The following PTPRD variants were observed in gnomAD, a reference collection of about 807,000 sequenced individuals.
The protein encoded by PTPRD is receptor-type tyrosine-protein phosphatase delta.
In PTPRD, 34 loss-of-function variants were observed where a neutral mutation model predicts 214.5. That is an observed-to-expected ratio of 0.16 (90% confidence interval 0.12 to 0.21). PTPRD has a LOEUF of 0.21. Ranked by LOEUF, PTPRD falls within the 10% of genes least tolerant of loss-of-function variation. The pLI is 1.00. For missense variants in PTPRD, 2,545 were observed against 2,398.7 expected (o/e 1.06, Z -1.27); for synonymous variants, 1,128 against 845.7 (o/e 1.33, Z -5.79).
At chr9:9,028,958 G>C (rs1027202138) in intron 10 of PTPRD, among the ~76,000 whole-genome samples, 2 of 151,870 alleles carry the variant, frequency 1.3e-5, no homozygotes, top group Non-Finnish European at 2.9e-5. Flanking sequence ...ATTTTGTAGA[G>C]CTGCGTTGTC....
chr9:9,873,956 T>C (rs2066158680), intron 5 of PTPRD, among the ~76,000 whole-genome samples: 1 of 152,108 alleles, frequency 6.6e-6, no homozygotes, highest in Admixed American at 6.6e-5. Context: ...TATATTATTA[T>C]ATATAAAAGA....
intron 10 of PTPRD, among the ~76,000 whole-genome samples, chr9:9,040,593 A>G (rs1026276677): frequency 6.6e-6 from 1 of 152,060 alleles, no homozygotes; most frequent in Admixed American, 6.6e-5. Context: ...TTTTTTTCAT[A>G]ACTGGTTTTG....
intron 8 of PTPRD, among the ~76,000 whole-genome samples, chr9:9,495,739 G>T (rs948403723): frequency 6.6e-5 from 10 of 152,218 alleles, no homozygotes; most frequent in Middle Eastern, 3.4e-3. Flanking sequence ...ATTCTTCTTG[G>T]ATGCTGGACA....
intron 8 of PTPRD, among the ~76,000 whole-genome samples, chr9:9,420,988 G>T (rs1295037245): frequency 1.3e-5 from 2 of 151,734 alleles, no homozygotes; most frequent in African/African-American, 2.4e-5. Flanking sequence ...GCTGCCATTT[G>T]GTTGTGCATG....
At chr9:9,891,611 CAATT>C (rs1265980887) in intron 5 of PTPRD, among the ~76,000 whole-genome samples, 3 of 152,142 alleles carry the variant, frequency 2.0e-5, no homozygotes, top group African/African-American at 7.2e-5. Context: ...TCCACTTCAT[CAATT>C]AGAGTTTGAT....
intron 10 of PTPRD, among the ~76,000 whole-genome samples, chr9:9,140,764 G>C (rs1267914271): frequency 6.6e-6 from 1 of 152,126 alleles, no homozygotes; most frequent in Non-Finnish European, 1.5e-5. Context: ...GTTTTTAGTA[G>C]AGACGGGGTT....
At chr9:9,186,593 A>C (rs2099931653) in intron 9 of PTPRD, among the ~76,000 whole-genome samples, 1 of 151,318 alleles carries the variant, frequency 6.6e-6, no homozygotes, top group Non-Finnish European at 1.5e-5. Flanking sequence ...CCTGGACAAC[A>C]AAACAAGACT....
chr9:10,347,127 A>G (rs2097098217), intron 2 of PTPRD, among the ~76,000 whole-genome samples: 1 of 152,004 alleles, frequency 6.6e-6, no homozygotes, highest in Admixed American at 6.6e-5. Context: ...TCTCCACCAC[A>G]CACCCAGTTG....
At chr9:9,099,595 C>A (rs1046380206) in intron 10 of PTPRD, among the ~76,000 whole-genome samples, 1 of 152,028 alleles carries the variant, frequency 6.6e-6, no homozygotes, top group Non-Finnish European at 1.5e-5. Flanking sequence ...GAGTTACTAC[C>A]GGGCAGGTAG....
At chr9:9,947,997 T>A (rs2093010065) in intron 4 of PTPRD, among the ~76,000 whole-genome samples, 1 of 151,900 alleles carries the variant, frequency 6.6e-6, no homozygotes, top group Non-Finnish European at 1.5e-5. Flanking sequence ...GTAGCAAGAT[T>A]TTTTTCTTCT....
chr9:10,070,683 G>C (rs1366775463), intron 3 of PTPRD, among the ~76,000 whole-genome samples: 1 of 151,696 alleles, frequency 6.6e-6, no homozygotes, highest in African/African-American at 2.4e-5. Context: ...TTTTGCTTAG[G>C]ATTTTTCAAA....
intron 11 of PTPRD, among the ~76,000 whole-genome samples, chr9:8,997,624 C>G (rs1189419904): frequency 2.0e-5 from 3 of 152,116 alleles, no homozygotes; most frequent in East Asian, 3.9e-4. Flanking sequence ...TGAAATTATG[C>G]CCATTAATAA....
At chr9:8,599,198 C>T (rs2154274739) in intron 14 of PTPRD, among the ~76,000 whole-genome samples, 1 of 152,184 alleles carries the variant, frequency 6.6e-6, no homozygotes, top group East Asian at 1.9e-4. Flanking sequence ...TCTCATTTGC[C>T]TTCTACCATG....
At chr9:9,077,253 A>G (rs1290875094) in intron 10 of PTPRD, among the ~76,000 whole-genome samples, 1 of 150,654 alleles carries the variant, frequency 6.6e-6, no homozygotes, top group Non-Finnish European at 1.5e-5. Context: ...ATTTTCTTCC[A>G]TTCTGTGGGT....
chr9:8,726,054 C>G (rs1016990559), intron 12 of PTPRD, among the ~76,000 whole-genome samples: 1 of 151,944 alleles, frequency 6.6e-6, no homozygotes, highest in East Asian at 1.9e-4. Context: ...CACACACACA[C>G]ACACACACAC....
chr9:8,681,703 C>A (rs374216793), intron 12 of PTPRD, among the ~76,000 whole-genome samples: 1 of 152,272 alleles, frequency 6.6e-6, no homozygotes, highest in South Asian at 2.1e-4. Context: ...TGTAGAGATA[C>A]CCCACTGCAA....
chr9:8,955,877 A>G (rs879269251), intron 11 of PTPRD, among the ~76,000 whole-genome samples: 4 of 151,926 alleles, frequency 2.6e-5, no homozygotes, highest in Non-Finnish European at 5.9e-5. Context: ...ACCTACATAT[A>G]GCATTCATTT....
intron 4 of PTPRD, among the ~76,000 whole-genome samples, chr9:9,990,263 G>T (rs2095867759): frequency 6.6e-6 from 1 of 152,182 alleles, no homozygotes; most frequent in Admixed American, 6.5e-5. Context: ...TTCTCTCATG[G>T]TTTGAAATGC....
chr9:9,588,366 A>G (rs1436854663), intron 7 of PTPRD, among the ~76,000 whole-genome samples: 2 of 151,986 alleles, frequency 1.3e-5, no homozygotes, highest in Non-Finnish European at 2.9e-5. Context: ...CAGTATGCAC[A>G]TTTAGATTGG....
Sources: gnomAD v4.1 joint callset for allele counts (sites outside exome capture counted in the v4.1 genomes callset) on GRCh38, gnomAD v4.1.1 for gene constraint, MANE v1.5 for transcripts, NCBI Gene and HGNC (gene_info 2026-07-23, HGNC 2026-07-21) for gene names.